Variants in PKP4 observed in about 807,000 individuals in gnomAD.
PKP4 encodes plakophilin-4.
PKP4 carries 90 observed loss-of-function variants against 145.1 expected under a neutral mutation model. The ratio of observed to expected loss-of-function variants is 0.62; its 90% CI spans 0.52 to 0.74. The LOEUF (loss-of-function observed/expected upper bound fraction) is 0.74, where lower values mean the gene tolerates loss of function less well. PKP4 is among the 30% of genes least tolerant of loss of function. The probability of loss-of-function intolerance (pLI) is 0.00; values close to 1 mark genes in which losing one functional copy is unlikely to be tolerated. For missense variants in PKP4, 1,340 were observed against 1,482.7 expected (o/e 0.90, Z 1.58); for synonymous variants, 563 against 577.2 (o/e 0.98, Z 0.35).
At chr2:158,670,372 G>C (rs1253799321) in intron 17 of PKP4, among the ~76,000 whole-genome samples, 1 of 152,150 alleles carries the variant, frequency 6.6e-6, no homozygotes. Flanking sequence ...TCTCAGGCCT[G>C]TTTTTATAAG....
chr2:158,537,205 A>G lies in PKP4; in HGVS notation c.132+3889A>G, dbSNP rs570706020. ...TCACTCAGCCAAACCTTCTTAAGAC[A>G]ATTTGAATTGCACTATATCCATATT... On this transcript the variant is annotated intron_variant, in intron 2 of 21. Transcript: ENST00000389759. Among the ~76,000 whole-genome samples the G allele has an allele frequency of 5.3e-5, 8 of 152,322 alleles. No homozygotes were observed. In the East Asian group the frequency reaches 1.5e-3, roughly 29 times the overall value.
At chr2:158,512,379 A>G (rs559162429) in intron 1 of PKP4, among the ~76,000 whole-genome samples, 1 of 152,346 alleles carries the variant, frequency 6.6e-6, no homozygotes, top group East Asian at 1.9e-4. Context: ...AGAGATTAAC[A>G]TGCTTGTGGT....
chr2:158,644,536 A>G (rs945543506), intron 11 of PKP4, among the ~76,000 whole-genome samples: 1 of 151,616 alleles, frequency 6.6e-6, no homozygotes, highest in Non-Finnish European at 1.5e-5. Context: ...ACTCTCACAC[A>G]GTGAAACCAC....
intron 1 of PKP4, among the ~76,000 whole-genome samples, chr2:158,473,033 T>C (rs1406726857): frequency 1.3e-5 from 2 of 152,170 alleles, no homozygotes; most frequent in Non-Finnish European, 2.9e-5. Context: ...AGGACATCCA[T>C]GTGGTCAACA....
chr2:158,496,040 G>C (rs527303242), intron 1 of PKP4, among the ~76,000 whole-genome samples: 26 of 151,722 alleles, frequency 1.7e-4, no homozygotes, highest in Admixed American at 1.1e-3. Context: ...GAATGTAGTG[G>C]CGCAATCTCA....
intron 1 of PKP4, among the ~76,000 whole-genome samples, chr2:158,523,816 C>T (rs902717854): frequency 2.1e-4 from 27 of 130,740 alleles, no homozygotes; most frequent in African/African-American, 3.4e-4. Context: ...AACCAAGGCT[C>T]GAGAACTACG....
At chr2:158,560,874 C>T (rs1041322391) in intron 2 of PKP4, among the ~76,000 whole-genome samples, 5 of 152,130 alleles carry the variant, frequency 3.3e-5, no homozygotes, top group African/African-American at 9.7e-5. Context: ...CAGAGCCTAG[C>T]GTCAGATCCA....
intron 3 of PKP4, among the ~76,000 whole-genome samples, chr2:158,601,536 G>C (rs2050227246): frequency 6.6e-6 from 1 of 152,184 alleles, no homozygotes; most frequent in South Asian, 2.1e-4. Context: ...TTAGGAGCAA[G>C]ACAAATGTCT....
Position 158,642,488 on chromosome 2 carries a change from G to A in PKP4, c.1698G>A (p.Val566=). ...GTACCTAATATTTTTCATTCTAGGT[G>A]TGTAGGTTAGGGGGAATCAAGCATC... is the stretch of plus-strand genomic sequence containing the variant. ...CFGDNKVKME[V]CRLGGIKHLV... Residue 566 remains valine (V), a splice_region_variant and synonymous_variant, in exon 11 of 22, where the codon GTG becomes GTA. Coordinates refer to ENST00000389759, the MANE Select transcript of PKP4 (RefSeq NM_003628.6). The A allele has an allele frequency of 6.3e-7, 1 of 1,599,988 alleles. No homozygotes were observed. Among genetic ancestry groups the A allele is most frequent in the African/African-American group, 1.3e-5 (1 of 74,584 alleles).
chr2:158,657,120 G>T (rs1156465524), intron 11 of PKP4, among the ~76,000 whole-genome samples: 1 of 152,212 alleles, frequency 6.6e-6, no homozygotes, highest in Non-Finnish European at 1.5e-5. Flanking sequence ...TATGTCAGGA[G>T]TGTAGGACTC....
chr2:158,500,400 TATA>T (rs1426436945), intron 1 of PKP4, among the ~76,000 whole-genome samples: 1 of 152,198 alleles, frequency 6.6e-6, no homozygotes, highest in Non-Finnish European at 1.5e-5. Context: ...CATAAACATG[TATA>T]ATAGCAAAAA....
At chr2:158,606,276 C>G (rs11892305) in intron 4 of PKP4, among the ~76,000 whole-genome samples, 3,821 of 151,808 alleles carry the variant, frequency 0.025, 155 homozygotes, top group African/African-American at 0.088. Flanking sequence ...GAGGCAGAGC[C>G]TGCAATGAGC....
chr2:158,608,063 GA>G (rs1278422235), intron 4 of PKP4, among the ~76,000 whole-genome samples: 1 of 152,172 alleles, frequency 6.6e-6, no homozygotes, highest in Non-Finnish European at 1.5e-5. Flanking sequence ...ATGATTAGAT[GA>G]TTTATAACGC....
At position 158,681,010 on chromosome 2, in the gene PKP4, T is replaced by C. The variant is rs1398634989; in HGVS notation, c.*333T>C. The C allele has an allele frequency of 4.6e-6, 1 of 217,688 alleles. No individual in the cohort carries two copies. The highest frequency in any genetic ancestry group is 9.1e-6 in the Non-Finnish European group (1 of 109,580). The allele number at this position is 217,688 out of a possible 1,614,324, so 13.5% of individuals were successfully genotyped here. On this transcript the variant is annotated 3_prime_UTR_variant, in exon 22 of 22. Coordinates refer to ENST00000389759, the MANE Select transcript of PKP4 (RefSeq NM_003628.6). ...CAAATTAAAGATGATTTTTTTAATGTGAATAAAGTTATGTTCTGATAGTTT... is the reference window on the plus strand; with the variant it reads ...CAAATTAAAGATGATTTTTTTAATGCGAATAAAGTTATGTTCTGATAGTTT...
chr2:158,517,120 C>G (rs1200633908), intron 1 of PKP4, among the ~76,000 whole-genome samples: 1 of 152,054 alleles, frequency 6.6e-6, no homozygotes, highest in Non-Finnish European at 1.5e-5. Context: ...AGTCTTTAAT[C>G]TTTGTTAACA....
At chr2:158,544,011 G>A (rs991403102) in intron 2 of PKP4, among the ~76,000 whole-genome samples, 1 of 152,220 alleles carries the variant, frequency 6.6e-6, no homozygotes, top group Non-Finnish European at 1.5e-5. Context: ...AAACTGAGGT[G>A]TAAATTGATT....
chr2:158,668,503 G>A lies in PKP4; in HGVS notation c.2729-1217G>A, dbSNP rs935182332. Among the ~76,000 whole-genome samples, 4 of 152,314 alleles carry A rather than the reference G, an allele frequency of 2.6e-5. No homozygotes were observed. In the South Asian group the frequency reaches 6.2e-4, roughly 24 times the overall value. ...TGGAGCTGCAAGTTCTGAGGGGACCGCCAGGCTCACTCATTCATAGGCAGA... is the reference window on the plus strand; with the variant it reads ...TGGAGCTGCAAGTTCTGAGGGGACCACCAGGCTCACTCATTCATAGGCAGA... On this transcript the variant is annotated intron_variant, in intron 16 of 21. Coordinates refer to ENST00000389759, the MANE Select transcript of PKP4 (RefSeq NM_003628.6).
chr2:158,614,188 C>T (rs1400260772), intron 4 of PKP4, among the ~76,000 whole-genome samples: 6 of 151,924 alleles, frequency 3.9e-5, no homozygotes, highest in African/African-American at 9.7e-5. Flanking sequence ...AATGATCCGA[C>T]GTGAGAGATT....
intron 1 of PKP4, among the ~76,000 whole-genome samples, chr2:158,506,961 T>C (rs2041039438): frequency 6.6e-6 from 1 of 152,204 alleles, no homozygotes. Flanking sequence ...TCCTATTAGG[T>C]TGCTGCTACT....
Sources: allele counts gnomAD v4.1 joint callset (sites outside exome capture counted in the v4.1 genomes callset), GRCh38; gene constraint gnomAD v4.1.1; transcripts MANE v1.5; gene names NCBI Gene and HGNC (gene_info 2026-07-23, HGNC 2026-07-21).